The following PRCP variants were observed in gnomAD, a reference collection of about 807,000 sequenced individuals.
PRCP encodes the protein lysosomal Pro-X carboxypeptidase.
In PRCP, 46 loss-of-function variants were observed where a neutral mutation model predicts 54.2. That is an observed-to-expected ratio of 0.85 (90% CI 0.67 to 1.09). The LOEUF (loss-of-function observed/expected upper bound fraction) is 1.09. Among genes scored for constraint, PRCP ranks in the 50% least tolerant of loss-of-function variants. The probability of loss-of-function intolerance (pLI) is 0.00; values close to 1 mark genes in which losing one functional copy is unlikely to be tolerated. For missense variants in PRCP, 613 were observed against 596.8 expected, an observed-to-expected ratio of 1.03 and a Z score of -0.28; for synonymous variants, 240 against 212.2, an observed-to-expected ratio of 1.13 and a Z score of -1.14.
rs200680510 is a variant in PRCP at position 82,872,836 on chromosome 11, G to A, written c.169-12719C>T. 2.1e-4 allele frequency among the ~76,000 whole-genome samples: 32 copies of A among 152,250 alleles called. No individual in the cohort carries two copies. The East Asian group carries it at 6.0e-3, about 28-fold the overall frequency. On this transcript the variant is annotated intron_variant, in intron 1 of 8. Coordinates refer to ENST00000313010, the MANE Select transcript of PRCP (RefSeq NM_005040.4). ...TCTCTATGGAGGTGGCAATGGAACC[G>A]AAGCCTGAAGGAGCCAGACAAAGAA...
chr11:82,893,429 T>A (rs1860046733), intron 1 of PRCP, among the ~76,000 whole-genome samples: 2 of 152,244 alleles, frequency 1.3e-5, no homozygotes, highest in South Asian at 4.1e-4. Flanking sequence ...CAGAGTTTAA[T>A]TTCAGAAAAA....
chr11:82,838,375 G>A lies in PRCP; in HGVS notation c.1274+12C>T, dbSNP rs904945972. 6.3e-7 allele frequency: 1 copy of A among 1,593,828 alleles called. No homozygotes were observed. Among genetic ancestry groups the A allele is most frequent in the Non-Finnish European group, 8.5e-7 (1 of 1,170,776 alleles). The stretch of plus-strand genomic sequence containing the variant: ...ACCAACTGAAGTTTATCTTTGGACA[G>A]CAAAAACTCACCTGAAAACAATGTT... On this transcript the variant is annotated intron_variant, in intron 8 of 8. Coordinates refer to ENST00000313010, the MANE Select transcript of PRCP (RefSeq NM_005040.4).
intron 2 of PRCP, among the ~76,000 whole-genome samples, chr11:82,854,118 C>G (rs1859022778): frequency 6.6e-6 from 1 of 152,166 alleles, no homozygotes; most frequent in South Asian, 2.1e-4. Flanking sequence ...TCTGTCTCAG[C>G]ACTCTTATCC....
chr11:82,863,572 A>G (rs1396170725), intron 1 of PRCP, among the ~76,000 whole-genome samples: 1 of 152,236 alleles, frequency 6.6e-6, no homozygotes, highest in East Asian at 1.9e-4. Flanking sequence ...CACTGACTAC[A>G]GAACTGAGTC....
chr11:82,839,420 C>G lies in PRCP; in HGVS notation c.927G>C (p.Val309=). ...CATTGGGATTTTTCAAATACTGGCACACTACCTGTCATTTTAGAAAGATAA... is the reference window on the plus strand; with the variant it reads ...CATTGGGATTTTTCAAATACTGGCAGACTACCTGTCATTTTAGAAAGATAA... ...QPLPAWPIKV[V]CQYLKNPNVS... Residue 309 remains valine (V), a synonymous_variant, in exon 7 of 9, where the codon GTG becomes GTC. Transcript: ENST00000313010. The G allele has an allele frequency of 1.9e-6, 3 of 1,608,888 alleles. No individual in the cohort carries two copies. Among genetic ancestry groups the G allele is most frequent in the Non-Finnish European group, 2.5e-6 (3 of 1,176,676 alleles).
At chr11:82,900,582 C>T, upstream of PRCP, 1 of 804,304 alleles carries the variant, frequency 1.2e-6, no homozygotes, top group Non-Finnish European at 2.1e-6. Flanking sequence ...ACAGCCACTC[C>T]GCCCCCATCC....
intron 1 of PRCP, among the ~76,000 whole-genome samples, chr11:82,873,043 A>G (rs1460110179): frequency 1.3e-5 from 2 of 149,336 alleles, no homozygotes; most frequent in Admixed American, 1.4e-4. Context: ...AGCCTTCAAG[A>G]GTTTTAAAAC....
chr11:82,876,594 T>G (rs954726260), intron 1 of PRCP, among the ~76,000 whole-genome samples: 3 of 152,164 alleles, frequency 2.0e-5, no homozygotes, highest in Admixed American at 2.0e-4. Context: ...CTCGTGATAG[T>G]GAATAAGTCT....
intron 6 of PRCP, 187 bp from the exon 7 acceptor site, chr11:82,839,612 C>T: frequency 1.6e-6 from 1 of 634,550 alleles, no homozygotes; most frequent in Non-Finnish European, 2.6e-6. Context: ...TCAATTACTC[C>T]TTAGGCTATA....
At chr11:82,835,616 G>A (rs545837663) in intron 8 of PRCP, 7 of 311,124 alleles carry the variant, frequency 2.2e-5, no homozygotes, top group Middle Eastern at 1.1e-3. Flanking sequence ...AAAACCAGCC[G>A]AAGAAGTGGA....
intron 8 of PRCP, among the ~76,000 whole-genome samples, chr11:82,833,217 T>A (rs1026906127): frequency 1.3e-5 from 2 of 152,112 alleles, no homozygotes; most frequent in African/African-American, 4.8e-5. Flanking sequence ...ATTCACAATC[T>A]CATGGGGCAG....
intron 3 of PRCP, 94 bp from the exon 4 acceptor site, chr11:82,850,599 G>C (rs1395240105): frequency 1.8e-5 from 18 of 1,024,246 alleles, no homozygotes; most frequent in Non-Finnish European, 2.2e-5. Context: ...TGTCAGATAA[G>C]CTTTTCTCTA....
At chr11:82,880,524 GCA>G (rs1859722754) in intron 1 of PRCP, among the ~76,000 whole-genome samples, 1 of 152,178 alleles carries the variant, frequency 6.6e-6, no homozygotes, top group African/African-American at 2.4e-5. Context: ...TCCATGGGCT[GCA>G]ACCACTGTCT....
rs1859172577 is a variant in PRCP at position 82,860,030 on chromosome 11, T to C, written c.256A>G (p.Ile86Val). The stretch of plus-strand genomic sequence containing the variant: ...CCTTCATTACCAGTGTAGAAAAGTA[T>C]TGATCCACCATTTTTCTTCCAGTAT... ...DKYWKKNGGS[I>V]LFYTGNEGDI... The change falls in exon 2 of 9, where the codon ATA (isoleucine) becomes GTA (valine). Residue 86 changes from isoleucine (I) to valine (V), a missense_variant. Ile to Val is a conservative substitution (Grantham distance 29). Transcript: ENST00000313010. The C allele has an allele frequency of 1.9e-6, 3 of 1,591,866 alleles. No individual in the cohort carries two copies. The highest frequency in any genetic ancestry group is 2.6e-6 in the Non-Finnish European group (3 of 1,170,150).
At position 82,860,066 on chromosome 11, in the gene PRCP, C is replaced by T. The variant is rs909998545; in HGVS notation, c.220G>A (p.Val74Ile). The change falls in exon 2 of 9, where the codon GTA becomes ATA. Residue 74 changes from valine (V) to isoleucine (I), a missense_variant. Physicochemically the swap from Val to Ile is conservative, Grantham distance 29 (BLOSUM62 3). Coordinates refer to ENST00000313010, the MANE Select transcript of PRCP (RefSeq NM_005040.4). ...TVKTFNQRYL[V>I]ADKYWKKNGG... is the part of the protein sequence containing the mutation. ...TTTTTCTTCCAGTATTTATCAGCTA[C>T]TAGGTACCGCTGATTAAAAGTTTTC... The T allele has an allele frequency of 1.3e-6, 2 of 1,579,082 alleles. No individual in the cohort carries two copies. Among genetic ancestry groups the T allele is most frequent in the Non-Finnish European group, 8.6e-7 (1 of 1,162,556 alleles).
chr11:82,853,064 T>C, intron 3 of PRCP, 113 bp downstream of exon 3: 1 of 671,396 alleles, frequency 1.5e-6, no homozygotes. Flanking sequence ...TATAAACTAT[T>C]GAGCTTTTAG....
intron 6 of PRCP, 152 bp from the exon 7 acceptor site, chr11:82,839,577 C>T (rs1858611476): frequency 8.6e-6 from 7 of 810,772 alleles, no homozygotes; most frequent in Non-Finnish European, 1.3e-5. Context: ...TGGGTTTAAT[C>T]CCCTCCATAA....
chr11:82,900,863 G>C (rs1173696791), upstream of PRCP: 2 of 458,308 alleles, frequency 4.4e-6, no homozygotes, highest in South Asian at 3.1e-5. Context: ...CCTACGTAAC[G>C]GCAATAACAG....
At chr11:82,882,496 T>A (rs1378658487) in intron 1 of PRCP, among the ~76,000 whole-genome samples, 1 of 143,582 alleles carries the variant, frequency 7.0e-6, no homozygotes, top group Non-Finnish European at 1.5e-5. Context: ...AGCCAGTTCT[T>A]TTTTTTTTTT....
Sources: gnomAD v4.1 joint callset for allele counts (sites outside exome capture counted in the v4.1 genomes callset) on GRCh38, gnomAD v4.1.1 for gene constraint, MANE v1.5 for transcripts, NCBI Gene and HGNC (gene_info 2026-07-23, HGNC 2026-07-21) for gene names.